PRMT3: variants seen among roughly 807,000 people sequenced by gnomAD.
PRMT3 encodes the protein protein arginine N-methyltransferase 3.
In PRMT3, 62 loss-of-function variants were observed where a neutral mutation model predicts 71.9. The observed-to-expected ratio is 0.86, with a 90% CI of 0.70 to 1.07. The LOEUF (loss-of-function observed/expected upper bound fraction) is 1.07, where lower values mean the gene tolerates loss of function less well. Ranked by LOEUF, PRMT3 falls within the 50% of genes least tolerant of loss-of-function variation. The pLI, the probability that PRMT3 is intolerant of heterozygous loss-of-function variation, is 0.00. For synonymous variants in PRMT3, 213 were observed against 220.4 expected (o/e 0.97, Z 0.30); for missense variants, 663 against 643.0 (o/e 1.03, Z -0.34).
chr11:20,425,181 A>G lies in PRMT3; in HGVS notation c.894-1585A>G, dbSNP rs185165937. ...GCAAAAGATTCGAACGAAAGAAGAC[A>G]TGGGAATATGGCAAGCAAGCCTAGA... On this transcript the variant is annotated intron_variant, in intron 9 of 15. Transcript: ENST00000331079. Among the ~76,000 whole-genome samples, 481 of 152,270 alleles carry G rather than the reference A, an allele frequency of 3.2e-3. 2 individuals carry two copies. Among genetic ancestry groups the G allele is most frequent in the Admixed American group, 5.5e-3 (84 of 15,292 alleles).
At chr11:20,390,212 T>C (rs1466724185) in intron 3 of PRMT3, among the ~76,000 whole-genome samples, 1 of 152,094 alleles carries the variant, frequency 6.6e-6, no homozygotes, top group Admixed American at 6.6e-5. Flanking sequence ...CCCTTTTCTG[T>C]ACGAGTTTAA....
intron 12 of PRMT3, among the ~76,000 whole-genome samples, chr11:20,463,807 A>G (rs1850442885): frequency 6.6e-6 from 1 of 152,162 alleles, no homozygotes; most frequent in South Asian, 2.1e-4. Context: ...TTGAAAGGTG[A>G]TTCCATCCCT....
At chr11:20,458,541 A>G (rs1296964116) in intron 11 of PRMT3, among the ~76,000 whole-genome samples, 1 of 152,178 alleles carries the variant, frequency 6.6e-6, no homozygotes, top group Admixed American at 6.5e-5. Flanking sequence ...ATAATTATTC[A>G]ATTATAGCTT....
At chr11:20,417,769 C>A (rs978201942) in intron 9 of PRMT3, among the ~76,000 whole-genome samples, 1 of 60,506 alleles carries the variant, frequency 1.7e-5, no homozygotes, top group Non-Finnish European at 3.8e-5. Context: ...CTCTCTCTCT[C>A]TCTGTCACAC....
chr11:20,443,051 C>T (rs1390883290), intron 10 of PRMT3, among the ~76,000 whole-genome samples: 1 of 152,114 alleles, frequency 6.6e-6, no homozygotes, highest in East Asian at 1.9e-4. Flanking sequence ...AAATTCTCCT[C>T]AATGCTGTGT....
At chr11:20,484,759 C>A (rs544022302) in intron 13 of PRMT3, among the ~76,000 whole-genome samples, 1 of 152,282 alleles carries the variant, frequency 6.6e-6, no homozygotes, top group East Asian at 1.9e-4. Context: ...AAAAGCAATA[C>A]AGTAAATAAT....
intron 13 of PRMT3, among the ~76,000 whole-genome samples, chr11:20,488,798 T>A (rs890867086): frequency 6.6e-6 from 1 of 152,202 alleles, no homozygotes; most frequent in Non-Finnish European, 1.5e-5. Context: ...AGAAAGTCAT[T>A]TTTTATCCCA....
intron 10 of PRMT3, among the ~76,000 whole-genome samples, chr11:20,445,854 T>G (rs1253866461): frequency 6.6e-6 from 1 of 152,206 alleles, no homozygotes; most frequent in East Asian, 1.9e-4. Context: ...AATGTGTTTT[T>G]GCTTTCTTCA....
rs187913578 is a variant in PRMT3, at chr11:20,401,741, C to T, written c.706-1178C>T. 3.9e-4 allele frequency among the ~76,000 whole-genome samples: 59 copies of T among 152,270 alleles called. No homozygotes were observed. In the East Asian group the frequency reaches 9.6e-3, roughly 25 times the overall value. On this transcript the variant is annotated intron_variant, in intron 7 of 15. Coordinates refer to ENST00000331079, the MANE Select transcript of PRMT3 (RefSeq NM_005788.4). ...GCAGAGCCCCTAACTGCTTAATTTG[C>T]AGTCAGTATGTGTTTCAACCTAGGG...
intron 6 of PRMT3, among the ~76,000 whole-genome samples, chr11:20,396,548 G>A (rs1387370563): frequency 6.6e-6 from 1 of 152,150 alleles, no homozygotes; most frequent in Non-Finnish European, 1.5e-5. Flanking sequence ...TGAGACAGGA[G>A]AATTGCTTGA....
chr11:20,433,366 T>G (rs1849694895), intron 10 of PRMT3, among the ~76,000 whole-genome samples: 1 of 152,172 alleles, frequency 6.6e-6, no homozygotes, highest in Admixed American at 6.6e-5. Context: ...CCATCCATGT[T>G]CCCACAAAAG....
chr11:20,404,414 A>T lies in PRMT3; in HGVS notation c.771+1430A>T, dbSNP rs1419945615. On this transcript the variant is annotated intron_variant, in intron 8 of 15. Coordinates refer to ENST00000331079, the MANE Select transcript of PRMT3 (RefSeq NM_005788.4). ...ACGCCCAGCTAATTTTTGTATTTTT[A>T]ATAGAGACGGGGTTTCACCATGTTG... Among the ~76,000 whole-genome samples the T allele has an allele frequency of 5.9e-5, 9 of 151,384 alleles. No homozygotes were observed. The East Asian group carries it at 1.8e-3, about 30-fold the overall frequency.
At chr11:20,446,030 A>G (rs1590070195) in intron 10 of PRMT3, among the ~76,000 whole-genome samples, 1 of 152,166 alleles carries the variant, frequency 6.6e-6, no homozygotes, top group East Asian at 1.9e-4. Flanking sequence ...CGCAAATAAT[A>G]GTGCTGTAGT....
chr11:20,403,027 T>A (rs780718566), intron 8 of PRMT3, 43 bp downstream of exon 8: 1 of 1,430,938 alleles, frequency 7.0e-7, no homozygotes, highest in Non-Finnish European at 9.8e-7. Flanking sequence ...CATCTTGTTC[T>A]TGGGCAGTAG....
At chr11:20,502,050 A>G (rs1048020125) in intron 15 of PRMT3, among the ~76,000 whole-genome samples, 5 of 152,218 alleles carry the variant, frequency 3.3e-5, no homozygotes, top group Non-Finnish European at 7.3e-5. Context: ...AATTCTAAAA[A>G]ATACACTGTA....
intron 11 of PRMT3, among the ~76,000 whole-genome samples, chr11:20,456,643 C>A (rs1057145414): frequency 2.0e-5 from 3 of 151,858 alleles, no homozygotes; most frequent in African/African-American, 7.3e-5. Flanking sequence ...CCATTTTGAT[C>A]TTTTTAAAAA....
rs1169170544 is a variant in PRMT3 at position 20,452,112 on chromosome 11, TCCCC to T, written c.994-17_994-14del. The T allele has an allele frequency of 1.3e-6, 2 of 1,561,256 alleles. No individual in the cohort carries two copies. Among genetic ancestry groups the T allele is most frequent in the Admixed American group, 3.4e-5 (2 of 59,556 alleles). On this transcript the variant is annotated splice_polypyrimidine_tract_variant and intron_variant, in intron 10 of 15. Coordinates refer to ENST00000331079, the MANE Select transcript of PRMT3 (RefSeq NM_005788.4). ...ATTGCACATTTCTAAACTCTTTTTT[TCCCC>T]TTTTTTTATGCAGGGCTATTTTCTT...
At position 20,423,873 on chromosome 11, in the gene PRMT3, TAAAAAAAAAAAAAAAAA is replaced by T. The variant is rs58636447; in HGVS notation, c.894-2880_894-2864del. Among the ~76,000 whole-genome samples, 21 of 27,116 alleles carry T rather than the reference TAAAAAAAAAAAAAAAAA, an allele frequency of 7.7e-4. 1 individual carries two copies. The highest frequency in any genetic ancestry group is 0.029 in the Middle Eastern group (1 of 34). 17.8% of individuals were successfully genotyped at this position (27,116 alleles called of 152,430 possible). A position where few individuals can be genotyped will look rare whatever the true frequency, so the allele number is the denominator to read the frequency against. ...TGAGTGACAGAGTGAGATTCTCTCTTAAAAAAAAAAAAAAAAAAAAAAAAAAAAAGGCCAGGCGCGGT... is the reference window on the plus strand; with the variant it reads ...TGAGTGACAGAGTGAGATTCTCTCTTAAAAAAAAAAAAGGCCAGGCGCGGT... On this transcript the variant is annotated intron_variant, in intron 9 of 15. Transcript: ENST00000331079.
At chr11:20,397,067 T>A (rs111554461) in intron 6 of PRMT3, among the ~76,000 whole-genome samples, 237 of 152,304 alleles carry the variant, frequency 1.6e-3, no homozygotes, top group African/African-American at 5.6e-3. Flanking sequence ...CCCTTTTATA[T>A]ACCTTATGGA....
Sources: allele counts gnomAD v4.1 joint callset (sites outside exome capture counted in the v4.1 genomes callset), GRCh38; gene constraint gnomAD v4.1.1; transcripts MANE v1.5; gene names NCBI Gene and HGNC (gene_info 2026-07-23, HGNC 2026-07-21).